NRXN1: variants seen among roughly 807,000 people sequenced by gnomAD.
The protein encoded by NRXN1 is neurexin 1.
Under a neutral mutation model 150.9 loss-of-function variants are expected in NRXN1, and 39 were observed. The observed-to-expected ratio is 0.26, with a 90% confidence interval of 0.20 to 0.34. NRXN1 has a LOEUF of 0.34. NRXN1 is among the 10% of genes least tolerant of loss of function. NRXN1 has a pLI of 1.00. For missense variants in NRXN1, 1,815 were observed against 1,949.9 expected (o/e 0.93, Z 1.30); for synonymous variants, 924 against 757.0 (o/e 1.22, Z -3.62).
chr2:50,255,367 T>C (rs1012907440), intron 17 of NRXN1, among the ~76,000 whole-genome samples: 4 of 152,186 alleles, frequency 2.6e-5, no homozygotes, highest in African/African-American at 7.2e-5. Context: ...TAACTATGTA[T>C]GAGAGTCATT....
At chr2:50,013,032 C>T (rs944656050) in intron 21 of NRXN1, among the ~76,000 whole-genome samples, 1 of 151,970 alleles carries the variant, frequency 6.6e-6, no homozygotes, top group Non-Finnish European at 1.5e-5. Context: ...AAAACAAAAC[C>T]TACATTTGTT....
chr2:51,005,982 G>A (rs1334811304), intron 2 of NRXN1, among the ~76,000 whole-genome samples: 1 of 151,516 alleles, frequency 6.6e-6, no homozygotes, highest in Non-Finnish European at 1.5e-5. Context: ...GCAAGCAGGG[G>A]CAGTCATACT....
intron 12 of NRXN1, among the ~76,000 whole-genome samples, chr2:50,514,404 A>G (rs1366221941): frequency 6.6e-6 from 1 of 152,162 alleles, no homozygotes; most frequent in Non-Finnish European, 1.5e-5. Context: ...TGTTTATCCC[A>G]TTTAGCTACT....
Position 50,552,875 on chromosome 2 carries a change from T to G in NRXN1, c.1471A>C (p.Ile491Leu), listed in dbSNP as rs200727557. The G allele has an allele frequency of 3.1e-6, 5 of 1,613,850 alleles. No homozygotes were observed. The highest frequency in any genetic ancestry group is 4.2e-6 in the Non-Finnish European group (5 of 1,179,870). Residue 491 changes from isoleucine to leucine, a missense_variant, in exon 9 of 23, where the codon ATC (isoleucine) becomes CTC (leucine). Coordinates refer to ENST00000401669, the MANE Select transcript of NRXN1 (RefSeq NM_001330078.2). ...PITFETPESF[I>L]SLPKWNAKKT... is the part of the protein sequence containing the mutation. ...TTTGCATTCCATTTAGGCAAAGAGA[T>G]GAAAGACTCTGGGGTTTCAAAGGTG...
chr2:50,023,943 G>T (rs1378509470), intron 21 of NRXN1: 1 of 151,882 alleles, frequency 6.6e-6, no homozygotes, highest in Non-Finnish European at 1.5e-5. Flanking sequence ...CTTTATATTT[G>T]TTATTTTGTA....
chr2:50,620,101 A>G lies in NRXN1; in HGVS notation c.1241T>C (p.Phe414Ser). 6.2e-7 allele frequency: 1 copy of G among 1,613,380 alleles called. No individual in the cohort carries two copies. The highest frequency in any genetic ancestry group is 8.5e-7 in the Non-Finnish European group (1 of 1,179,596). Residue 414 changes from phenylalanine (F) to serine (S), a missense_variant, in exon 8 of 23, where the codon TTC becomes TCC. By Grantham distance (155) the Phe-to-Ser change is radical. Transcript: ENST00000401669. ...DYTMLGSDDFFYVGGSPSTAD... is the reference protein window; with the variant it reads ...DYTMLGSDDFSYVGGSPSTAD... Reference sequence around the variant, plus strand: ...TGTGCTGGGACTGCCTCCAACATAGAAAAAGTCATCAGACCCCAGCATGGT... The same window carrying G: ...TGTGCTGGGACTGCCTCCAACATAGGAAAAGTCATCAGACCCCAGCATGGT...
intron 8 of NRXN1, among the ~76,000 whole-genome samples, chr2:50,614,561 C>T (rs1479237171): frequency 6.6e-6 from 1 of 150,830 alleles, no homozygotes; most frequent in Non-Finnish European, 1.5e-5. Context: ...GGGTGCAGCA[C>T]ACCAACATGA....
chr2:50,528,025 T>A (rs1465716235), intron 12 of NRXN1, among the ~76,000 whole-genome samples: 2 of 152,160 alleles, frequency 1.3e-5, no homozygotes, highest in East Asian at 3.9e-4. Context: ...CAAAGAAAAC[T>A]CAGTCCATGC....
chr2:50,929,702 G>A (rs1687456540), intron 2 of NRXN1, among the ~76,000 whole-genome samples: 1 of 152,070 alleles, frequency 6.6e-6, no homozygotes, highest in African/African-American at 2.4e-5. Flanking sequence ...CAGGGAGTGT[G>A]CTAACTTCTA....
At chr2:50,737,681 C>G (rs1698934234) in intron 5 of NRXN1, among the ~76,000 whole-genome samples, 1 of 151,976 alleles carries the variant, frequency 6.6e-6, no homozygotes. Flanking sequence ...CCCTCTATAA[C>G]AGAGACTTCT....
At chr2:50,027,065 G>A (rs1688450256) in intron 21 of NRXN1, among the ~76,000 whole-genome samples, 1 of 151,140 alleles carries the variant, frequency 6.6e-6, no homozygotes, top group African/African-American at 2.4e-5. Flanking sequence ...TGCATTTTTA[G>A]TAGAGACGGG....
At chr2:50,443,503 TA>T (rs761285632) in intron 17 of NRXN1, among the ~76,000 whole-genome samples, 1 of 152,194 alleles carries the variant, frequency 6.6e-6, no homozygotes, top group Non-Finnish European at 1.5e-5. Context: ...CACTGGTAAC[TA>T]AGTGATGTCA....
At chr2:50,035,880 C>T (rs1397370372) in intron 21 of NRXN1, among the ~76,000 whole-genome samples, 3 of 152,024 alleles carry the variant, frequency 2.0e-5, no homozygotes, top group African/African-American at 7.2e-5. Flanking sequence ...GATCACTGAC[C>T]ATTACAGTTC....
At chr2:50,200,980 C>T (rs1312258387) in intron 18 of NRXN1, among the ~76,000 whole-genome samples, 1 of 152,050 alleles carries the variant, frequency 6.6e-6, no homozygotes, top group East Asian at 1.9e-4. Context: ...CCTTTTTCTC[C>T]ATGGGTCTCT....
At chr2:50,886,183 A>G (rs530500518) in intron 5 of NRXN1, among the ~76,000 whole-genome samples, 2 of 151,474 alleles carry the variant, frequency 1.3e-5, no homozygotes, top group Non-Finnish European at 3.0e-5. Context: ...TGTTTACCCA[A>G]ACACTTTTCT....
At chr2:50,635,004 C>T (rs1683018642) in intron 5 of NRXN1, among the ~76,000 whole-genome samples, 1 of 152,090 alleles carries the variant, frequency 6.6e-6, no homozygotes, top group African/African-American at 2.4e-5. Flanking sequence ...CACAACACCC[C>T]ATAGCATCTG....
chr2:50,078,746 C>A, intron 19 of NRXN1, among the ~76,000 whole-genome samples: 1 of 151,904 alleles, frequency 6.6e-6, no homozygotes, highest in East Asian at 1.9e-4. Flanking sequence ...AATATGAATA[C>A]CAAAGAAGTG....
chr2:50,190,381 G>C (rs2061367219), intron 18 of NRXN1, among the ~76,000 whole-genome samples: 1 of 152,056 alleles, frequency 6.6e-6, no homozygotes, highest in Non-Finnish European at 1.5e-5. Context: ...ATTCTTGGGT[G>C]TGTTCTAACT....
intron 18 of NRXN1, among the ~76,000 whole-genome samples, chr2:50,129,688 A>T (rs534178090): frequency 6.6e-6 from 1 of 152,322 alleles, no homozygotes; most frequent in South Asian, 2.1e-4. Context: ...CCTTTAAAAA[A>T]GGCAATCTTT....
Sources: allele counts gnomAD v4.1 joint callset (sites outside exome capture counted in the v4.1 genomes callset), GRCh38; gene constraint gnomAD v4.1.1; transcripts MANE v1.5; gene names NCBI Gene and HGNC (gene_info 2026-07-23, HGNC 2026-07-21).